The following CTNNA3 variants were observed in gnomAD, a reference collection of about 807,000 sequenced individuals.
The protein encoded by CTNNA3 is catenin alpha 3.
A neutral mutation model predicts 95.7 loss-of-function variants in CTNNA3; 76 were observed. The observed-to-expected ratio is 0.79, with a 90% confidence interval of 0.66 to 0.96. The LOEUF (loss-of-function observed/expected upper bound fraction) is 0.96, where lower values mean the gene tolerates loss of function less well. Among genes scored for constraint, CTNNA3 ranks in the 40% least tolerant of loss-of-function variants. The pLI is 0.00. For synonymous variants in CTNNA3, 431 were observed against 374.4 expected (o/e 1.15, Z -1.74); for missense variants, 1,191 against 1,089.8 (o/e 1.09, Z -1.31).
At chr10:66,788,114 T>C (rs1840819192) in intron 7 of CTNNA3, among the ~76,000 whole-genome samples, 1 of 152,198 alleles carries the variant, frequency 6.6e-6, no homozygotes, top group Admixed American at 6.5e-5. Flanking sequence ...ACTCAGTAAA[T>C]TTCACTTAAT....
chr10:66,414,597 T>G (rs963369889), intron 11 of CTNNA3, among the ~76,000 whole-genome samples: 1 of 152,156 alleles, frequency 6.6e-6, no homozygotes, highest in East Asian at 1.9e-4. Flanking sequence ...ATGGTCATGG[T>G]CCTTCACATT....
chr10:66,607,073 C>A (rs963075162), intron 10 of CTNNA3, among the ~76,000 whole-genome samples: 1 of 151,940 alleles, frequency 6.6e-6, no homozygotes, highest in African/African-American at 2.4e-5. Context: ...TCCAAATAAA[C>A]ACAATTAAAA....
chr10:67,425,384 C>G (rs1168775515), intron 5 of CTNNA3, among the ~76,000 whole-genome samples: 1 of 151,964 alleles, frequency 6.6e-6, no homozygotes, highest in Non-Finnish European at 1.5e-5. Context: ...GAGAGGCACT[C>G]TCAATGACAG....
chr10:67,720,587 A>G (rs1056555045), intron 1 of CTNNA3, among the ~76,000 whole-genome samples: 5 of 152,014 alleles, frequency 3.3e-5, no homozygotes, highest in Non-Finnish European at 5.9e-5. Flanking sequence ...TTGTCTGTAA[A>G]GGATTTTATT....
intron 6 of CTNNA3, among the ~76,000 whole-genome samples, chr10:67,190,085 A>C (rs1443361816): frequency 1.3e-5 from 2 of 152,194 alleles, no homozygotes; most frequent in Non-Finnish European, 2.9e-5. Context: ...ATCTTCCAGA[A>C]AATAACTTAT....
At chr10:66,616,128 TA>T (rs1487199296) in intron 10 of CTNNA3, among the ~76,000 whole-genome samples, 3 of 151,994 alleles carry the variant, frequency 2.0e-5, no homozygotes, top group Non-Finnish European at 1.5e-5. Flanking sequence ...CTCTCTTTCA[TA>T]AAACAGACAG....
At chr10:66,020,124 G>A (rs1027397025) in intron 15 of CTNNA3, among the ~76,000 whole-genome samples, 1 of 152,094 alleles carries the variant, frequency 6.6e-6, no homozygotes, top group African/African-American at 2.4e-5. Context: ...TTTCAATTGT[G>A]TCAATAAAAA....
At chr10:66,604,004 A>G (rs1297481622) in intron 10 of CTNNA3, among the ~76,000 whole-genome samples, 1 of 152,154 alleles carries the variant, frequency 6.6e-6, no homozygotes, top group African/African-American at 2.4e-5. Context: ...AAAACAGTAT[A>G]GGACACTGGT....
At chr10:67,080,976 A>G (rs1857033764) in intron 7 of CTNNA3, among the ~76,000 whole-genome samples, 1 of 152,064 alleles carries the variant, frequency 6.6e-6, no homozygotes, top group Non-Finnish European at 1.5e-5. Context: ...TAACTTACCT[A>G]AAGCTAAACA....
intron 15 of CTNNA3, among the ~76,000 whole-genome samples, chr10:66,002,114 C>T (rs1170079953): frequency 6.6e-6 from 1 of 151,864 alleles, no homozygotes; most frequent in African/African-American, 2.4e-5. Context: ...ACCAGAATTC[C>T]CTTACTTATA....
chr10:67,543,678 T>C (rs571582996), intron 3 of CTNNA3, among the ~76,000 whole-genome samples: 198 of 152,264 alleles, frequency 1.3e-3, no homozygotes, highest in African/African-American at 4.5e-3. Context: ...GTGATACAAA[T>C]ACATCATGGT....
chr10:67,022,992 TAA>T (rs1431047046), intron 7 of CTNNA3, among the ~76,000 whole-genome samples: 1 of 152,106 alleles, frequency 6.6e-6, no homozygotes, highest in Non-Finnish European at 1.5e-5. Flanking sequence ...GAGTGAAATT[TAA>T]AAAGACTGAA....
At chr10:66,358,239 T>G (rs1310853121) in intron 12 of CTNNA3, among the ~76,000 whole-genome samples, 1 of 152,150 alleles carries the variant, frequency 6.6e-6, no homozygotes, top group Non-Finnish European at 1.5e-5. Context: ...CCCTAACCCC[T>G]GCTTATCTGT....
At chr10:66,040,059 G>T (rs72791482) in intron 15 of CTNNA3, among the ~76,000 whole-genome samples, 1 of 151,946 alleles carries the variant, frequency 6.6e-6, no homozygotes, top group East Asian at 1.9e-4. Flanking sequence ...ATAAAAATAG[G>T]CAAAGGACAT....
In CTNNA3 at chr10:67,566,032, T is replaced by C. The variant is rs1252615728; in HGVS notation, c.293-26363A>G. 1.9e-4 allele frequency among the ~76,000 whole-genome samples: 10 copies of C among 53,980 alleles called. 1 individual carries two copies. Among genetic ancestry groups the C allele is most frequent in the South Asian group, 1.1e-3 (1 of 922 alleles). 35.4% of individuals were successfully genotyped at this position (53,980 alleles called of 152,430 possible). Reference sequence around the variant, plus strand: ...ACACACACAAACACACACACACACATATGTGTGTGTGTATATATATATATA... The same window carrying C: ...ACACACACAAACACACACACACACACATGTGTGTGTGTATATATATATATA... On this transcript the variant is annotated intron_variant, in intron 3 of 17. Coordinates refer to ENST00000433211, the MANE Select transcript of CTNNA3 (RefSeq NM_013266.4).
At chr10:66,620,940 C>T (rs1285019564) in intron 10 of CTNNA3, among the ~76,000 whole-genome samples, 1 of 152,044 alleles carries the variant, frequency 6.6e-6, no homozygotes, top group Non-Finnish European at 1.5e-5. Flanking sequence ...TAGGAAGTAT[C>T]CGTATTATAT....
intron 5 of CTNNA3, among the ~76,000 whole-genome samples, chr10:67,503,858 A>G (rs925324579): frequency 2.6e-5 from 4 of 152,186 alleles, no homozygotes; most frequent in Non-Finnish European, 5.9e-5. Context: ...AAAACCGCTT[A>G]AAAACAGAGT....
At chr10:66,404,046 C>T (rs1437703882) in intron 11 of CTNNA3, among the ~76,000 whole-genome samples, 5 of 152,052 alleles carry the variant, frequency 3.3e-5, no homozygotes, top group African/African-American at 4.8e-5. Flanking sequence ...CTCAATTGCT[C>T]CTACAGATAA....
At chr10:66,814,689 G>A (rs1357054240) in intron 7 of CTNNA3, among the ~76,000 whole-genome samples, 1 of 152,018 alleles carries the variant, frequency 6.6e-6, no homozygotes, top group Non-Finnish European at 1.5e-5. Context: ...GCTTGAGCCT[G>A]GGAGGCAGAG....
Sources: gnomAD v4.1 joint callset for allele counts (sites outside exome capture counted in the v4.1 genomes callset) on GRCh38, gnomAD v4.1.1 for gene constraint, MANE v1.5 for transcripts, NCBI Gene and HGNC (gene_info 2026-07-23, HGNC 2026-07-21) for gene names.